IL1RAPL2: variants seen among roughly 807,000 people sequenced by gnomAD.
IL1RAPL2 encodes X-linked interleukin-1 receptor accessory protein-like 2.
Under a neutral mutation model 44.1 loss-of-function variants are expected in IL1RAPL2, and 3 were observed. The observed-to-expected ratio is 0.07, with a 90% CI of 0.03 to 0.18. The LOEUF (loss-of-function observed/expected upper bound fraction) is 0.18, where lower values mean the gene tolerates loss of function less well. IL1RAPL2 is among the 10% of genes least tolerant of loss of function. IL1RAPL2 has a pLI of 1.00. For missense variants in IL1RAPL2, 391 were observed against 496.4 expected (o/e 0.79, Z 2.02); for synonymous variants, 181 against 178.8 (o/e 1.01, Z -0.10).
intron 2 of IL1RAPL2, among the ~76,000 whole-genome samples, chrX:104,940,902 G>T (rs1292149001): frequency 2.5e-5 from 2 of 80,373 alleles, no homozygotes; most frequent in African/African-American, 1.0e-4. Context: ...ACATGCCCTG[G>T]TGTGTGACGT....
At chrX:105,629,617 T>C (rs1380147843) in intron 6 of IL1RAPL2, among the ~76,000 whole-genome samples, 1 of 111,595 alleles carries the variant, frequency 9.0e-6, no homozygotes, top group Non-Finnish European at 1.9e-5. Context: ...TTTTCTCTTC[T>C]GTACATTTCA....
At chrX:104,684,887 G>T (rs1930956453) in intron 2 of IL1RAPL2, among the ~76,000 whole-genome samples, 1 of 112,255 alleles carries the variant, frequency 8.9e-6, no homozygotes, top group Non-Finnish European at 1.9e-5. Flanking sequence ...GCAGCACTGT[G>T]TTTGGAGTTA....
At chrX:105,583,139 G>GT (rs779253494) in intron 6 of IL1RAPL2, among the ~76,000 whole-genome samples, 34,024 of 97,740 alleles carry the variant, frequency 0.35, 4,880 homozygotes, top group Middle Eastern at 0.43. Flanking sequence ...AATTTTTTTT[G>GT]TTTTTTTTTT....
At chrX:105,761,053 C>T (rs969015862) in intron 10 of IL1RAPL2, among the ~76,000 whole-genome samples, 1 of 109,232 alleles carries the variant, frequency 9.2e-6, no homozygotes, top group African/African-American at 3.3e-5. Context: ...GTGGCAGATG[C>T]CTGTAATCCC....
intron 2 of IL1RAPL2, among the ~76,000 whole-genome samples, chrX:104,704,694 TAATGA>T (rs1307309496): frequency 1.8e-5 from 2 of 111,800 alleles, no homozygotes; most frequent in Non-Finnish European, 3.8e-5. Context: ...ACAGATAATT[TAATGA>T]AATGAAATTA....
intron 2 of IL1RAPL2, among the ~76,000 whole-genome samples, chrX:104,788,526 A>G (rs1052746409): frequency 4.5e-5 from 5 of 112,351 alleles, no homozygotes; most frequent in African/African-American, 1.6e-4. Context: ...CATCAACTAT[A>G]TGCAAAGTAC....
chrX:104,841,913 T>G (rs756080752), intron 2 of IL1RAPL2, among the ~76,000 whole-genome samples: 2 of 110,627 alleles, frequency 1.8e-5, no homozygotes, highest in East Asian at 5.7e-4. Flanking sequence ...TCTCTGTGTT[T>G]CCTGAATTTG....
intron 2 of IL1RAPL2, among the ~76,000 whole-genome samples, chrX:104,725,127 A>G (rs1344440185): frequency 9.0e-6 from 1 of 111,232 alleles, no homozygotes; most frequent in Non-Finnish European, 1.9e-5. Flanking sequence ...GAGTGAGAAC[A>G]TGTGGTGTTT....
intron 2 of IL1RAPL2, among the ~76,000 whole-genome samples, chrX:105,076,094 G>A (rs35452890): frequency 9.0e-6 from 1 of 111,275 alleles, no homozygotes; most frequent in African/African-American, 3.3e-5. Context: ...GCTTTTGAAT[G>A]TGTTTGCTCT....
At chrX:104,620,903 T>C (rs1208902202) in intron 1 of IL1RAPL2, among the ~76,000 whole-genome samples, 1 of 103,365 alleles carries the variant, frequency 9.7e-6, no homozygotes, top group African/African-American at 3.6e-5. Flanking sequence ...TATATGTATG[T>C]TCTATATAAT....
At chrX:105,398,354 G>T (rs1300427498) in intron 5 of IL1RAPL2, among the ~76,000 whole-genome samples, 2 of 110,345 alleles carry the variant, frequency 1.8e-5, no homozygotes, top group African/African-American at 6.6e-5. Context: ...CCTTTGTTTT[G>T]ACTTTGTTGA....
chrX:104,965,153 G>A (rs1483073550), intron 2 of IL1RAPL2, among the ~76,000 whole-genome samples: 1 of 111,676 alleles, frequency 9.0e-6, no homozygotes. Context: ...GGCTCATAAG[G>A]AACAGGAGAT....
intron 1 of IL1RAPL2, among the ~76,000 whole-genome samples, chrX:104,569,971 A>C (rs1390250673): frequency 1.8e-5 from 2 of 112,372 alleles, no homozygotes; most frequent in Non-Finnish European, 3.8e-5. Context: ...CTGCAGCAGT[A>C]ATGATTACAG....
Position 104,581,778 on chromosome X carries a change from C to T in IL1RAPL2, c.-20+14727C>T, listed in dbSNP as rs765235004. 5.8e-3 allele frequency among the ~76,000 whole-genome samples: 649 copies of T among 111,347 alleles called. 8 individuals carry two copies. Among genetic ancestry groups the T allele is most frequent in the African/African-American group, 0.02 (616 of 30,634 alleles). The stretch of plus-strand genomic sequence containing the variant: ...TTCTGACCTCAAGTGATTTGCCTGC[C>T]TCAGCCTCCCAAAGTGCTGGGATTA... On this transcript the variant is annotated intron_variant, in intron 1 of 10. Coordinates refer to ENST00000372582, the MANE Select transcript of IL1RAPL2 (RefSeq NM_017416.2).
chrX:104,709,215 G>C (rs1007353981), intron 2 of IL1RAPL2, among the ~76,000 whole-genome samples: 1 of 108,789 alleles, frequency 9.2e-6, no homozygotes, highest in Admixed American at 9.9e-5. Context: ...ATAGTGGGCT[G>C]TTGAGCCTGT....
At chrX:104,718,212 G>C (rs12843331) in intron 2 of IL1RAPL2, among the ~76,000 whole-genome samples, 48,443 of 109,540 alleles carry the variant, frequency 0.44, 8,722 homozygotes, top group South Asian at 0.65. Context: ...CTAGTTTACA[G>C]TCCCACCAAC....
chrX:105,243,579 ATATATG>A (rs2034192132), intron 4 of IL1RAPL2, among the ~76,000 whole-genome samples: 2 of 92,207 alleles, frequency 2.2e-5, no homozygotes, highest in East Asian at 6.0e-4. Context: ...ATATATATAT[ATATATG>A]TGTATATATA....
intron 1 of IL1RAPL2, chrX:104,647,929 G>A: frequency 1.5e-6 from 1 of 676,949 alleles, no homozygotes; most frequent in Non-Finnish European, 2.4e-6. Flanking sequence ...ATAAGGCAGA[G>A]TTCAGCATGC....
chrX:105,079,399 G>A (rs1163885686), intron 2 of IL1RAPL2, among the ~76,000 whole-genome samples: 4 of 108,530 alleles, frequency 3.7e-5, no homozygotes, highest in Non-Finnish European at 5.7e-5. Flanking sequence ...ATTCACAACA[G>A]CAAAGACTTG....
Sources: gnomAD v4.1 joint callset for allele counts (sites outside exome capture counted in the v4.1 genomes callset) on GRCh38, gnomAD v4.1.1 for gene constraint, MANE v1.5 for transcripts, NCBI Gene and HGNC (gene_info 2026-07-23, HGNC 2026-07-21) for gene names.